The following GSG1L variants were observed in gnomAD, a reference collection of about 807,000 sequenced individuals.
GSG1L encodes GSG1 like.
In GSG1L, 24 loss-of-function variants were observed where a neutral mutation model predicts 42.1. That is an observed-to-expected ratio of 0.57 (90% CI 0.41 to 0.80). The LOEUF is 0.80. Ranked by LOEUF, GSG1L falls within the 30% of genes least tolerant of loss-of-function variation. The pLI is 0.00. For missense variants in GSG1L, 445 were observed against 472.2 expected (o/e 0.94, Z 0.53); for synonymous variants, 215 against 203.5 (o/e 1.06, Z -0.48).
At chr16:27,947,252 G>A (rs1033908269) in intron 2 of GSG1L, among the ~76,000 whole-genome samples, 4 of 151,960 alleles carry the variant, frequency 2.6e-5, no homozygotes, top group Non-Finnish European at 2.9e-5. Context: ...TCAGCCTCCC[G>A]AGTAGCTAGG....
intron 4 of GSG1L, among the ~76,000 whole-genome samples, chr16:27,830,053 G>C (rs1260152304): frequency 6.6e-6 from 1 of 152,144 alleles, no homozygotes; most frequent in Non-Finnish European, 1.5e-5. Context: ...ATCCACACTT[G>C]GAAAGGTAGG....
chr16:27,829,319 G>A (rs2083250463), intron 4 of GSG1L, among the ~76,000 whole-genome samples: 1 of 152,122 alleles, frequency 6.6e-6, no homozygotes, highest in Non-Finnish European at 1.5e-5. Context: ...TCCAGGAGAA[G>A]GAATAGTGTG....
chr16:27,863,606 CTAAA>C (rs139921775), intron 3 of GSG1L, among the ~76,000 whole-genome samples: 2,535 of 152,314 alleles, frequency 0.017, 66 homozygotes, highest in African/African-American at 0.058. Context: ...CCAGCACTTA[CTAAA>C]TGTGTCACTG....
intron 1 of GSG1L, among the ~76,000 whole-genome samples, chr16:27,964,443 G>A (rs1241858630): frequency 7.2e-5 from 11 of 152,088 alleles, no homozygotes. Context: ...ATAATTAATT[G>A]TTGTATTTAT....
At chr16:27,855,080 AT>A (rs1020755718) in intron 3 of GSG1L, among the ~76,000 whole-genome samples, 1 of 152,110 alleles carries the variant, frequency 6.6e-6, no homozygotes, top group Admixed American at 6.5e-5. Flanking sequence ...ATAAAATAAA[AT>A]TACCCTGGGA....
chr16:28,012,194 C>A (rs1417889586), intron 1 of GSG1L, among the ~76,000 whole-genome samples: 1 of 152,198 alleles, frequency 6.6e-6, no homozygotes, highest in African/African-American at 2.4e-5. Context: ...TTCCTCCAGG[C>A]AGCCACCCCT....
At chr16:27,795,073 A>T (rs755297) in intron 6 of GSG1L, among the ~76,000 whole-genome samples, 3 of 151,956 alleles carry the variant, frequency 2.0e-5, no homozygotes, top group Admixed American at 1.3e-4. Flanking sequence ...CCCCAATGAA[A>T]CTGGGGATGG....
chr16:27,824,279 G>T (rs948080505), intron 5 of GSG1L, among the ~76,000 whole-genome samples: 2 of 152,172 alleles, frequency 1.3e-5, no homozygotes, highest in Non-Finnish European at 2.9e-5. Context: ...AGGCTCAAAG[G>T]GGCTCAGCGC....
At chr16:27,895,995 C>T (rs1176120653) in intron 2 of GSG1L, among the ~76,000 whole-genome samples, 2 of 152,148 alleles carry the variant, frequency 1.3e-5, no homozygotes, top group Non-Finnish European at 2.9e-5. Context: ...AAACCAGCAG[C>T]GTCAGCATTC....
At chr16:27,933,119 A>G (rs566148070) in intron 2 of GSG1L, among the ~76,000 whole-genome samples, 1 of 152,234 alleles carries the variant, frequency 6.6e-6, no homozygotes, top group Non-Finnish European at 1.5e-5. Flanking sequence ...ACAAGCAGAA[A>G]TACTTCAGAC....
At chr16:27,888,482 CCTTTCTTTCTTTCTTT>C (rs57811717) in intron 2 of GSG1L, among the ~76,000 whole-genome samples, 1,123 of 68,122 alleles carry the variant, frequency 0.016, 17 homozygotes, top group Non-Finnish European at 0.018. Context: ...CTCTCTCTTT[CCTTTCTTTCTTTCTTT>C]CTTTCTTTCT....
intron 1 of GSG1L, among the ~76,000 whole-genome samples, chr16:27,974,736 C>T (rs1234229333): frequency 6.6e-6 from 1 of 152,164 alleles, no homozygotes; most frequent in African/African-American, 2.4e-5. Context: ...TTCTCAATGA[C>T]CAGCAATGAC....
intron 1 of GSG1L, among the ~76,000 whole-genome samples, chr16:27,987,819 T>G (rs1197466494): frequency 6.6e-6 from 1 of 151,962 alleles, no homozygotes; most frequent in Non-Finnish European, 1.5e-5. Flanking sequence ...TGGTGGCGCA[T>G]GCCTGTAGTC....
intron 1 of GSG1L, among the ~76,000 whole-genome samples, chr16:27,982,998 A>G (rs1341667780): frequency 6.6e-6 from 1 of 152,136 alleles, no homozygotes; most frequent in African/African-American, 2.4e-5. Context: ...ACTGCCATCC[A>G]CCAGGACCAC....
chr16:28,058,962 G>T (rs2141202856), intron 1 of GSG1L, among the ~76,000 whole-genome samples: 1 of 152,342 alleles, frequency 6.6e-6, no homozygotes, highest in South Asian at 2.1e-4. Flanking sequence ...TGACTCGGAT[G>T]CTGGGTGCAG....
At chr16:27,935,517 C>T (rs954607608) in intron 2 of GSG1L, among the ~76,000 whole-genome samples, 3 of 152,166 alleles carry the variant, frequency 2.0e-5, no homozygotes, top group African/African-American at 7.2e-5. Flanking sequence ...TGAAGAAGTC[C>T]TGCCTCTCAG....
chr16:27,839,803 TTA>T (rs2083358083), intron 4 of GSG1L, among the ~76,000 whole-genome samples: 1 of 152,176 alleles, frequency 6.6e-6, no homozygotes, highest in African/African-American at 2.4e-5. Context: ...ATCCAAACTT[TTA>T]TAAGACACAA....
intron 1 of GSG1L, among the ~76,000 whole-genome samples, chr16:28,045,625 C>T (rs1416932262): frequency 4.0e-5 from 6 of 151,644 alleles, no homozygotes; most frequent in Admixed American, 2.6e-4. Context: ...TGCAGTGAGC[C>T]GAGACCACAC....
chr16:27,818,210 T>C (rs967095596), intron 5 of GSG1L, among the ~76,000 whole-genome samples: 1 of 152,222 alleles, frequency 6.6e-6, no homozygotes, highest in Non-Finnish European at 1.5e-5. Context: ...TTCCCGCCTC[T>C]GAAGCTCCCT....
Sources: gnomAD v4.1 joint callset for allele counts (sites outside exome capture counted in the v4.1 genomes callset) on GRCh38, gnomAD v4.1.1 for gene constraint, MANE v1.5 for transcripts, NCBI Gene and HGNC (gene_info 2026-07-23, HGNC 2026-07-21) for gene names.